ZNF232: variants seen among roughly 807,000 people sequenced by gnomAD.
ZNF232 encodes the protein zinc finger and SCAN domain-containing protein 11.
A neutral mutation model predicts 25.2 loss-of-function variants in ZNF232; 25 were observed. The ratio of observed to expected loss-of-function variants is 0.99; its 90% CI spans 0.72 to 1.39. The LOEUF is 1.39. Ranked by LOEUF, ZNF232 falls within the 40% of genes most tolerant of loss-of-function variation. The pLI is 0.00. For synonymous variants in ZNF232, 193 were observed against 182.9 expected (o/e 1.06, Z -0.45); for missense variants, 519 against 520.9 (o/e 1.00, Z 0.04).
exon 4 of ZNF232, chr17:5,106,412 A>G (rs1164725824): frequency 6.2e-7 from 1 of 1,614,216 alleles, no homozygotes; most frequent in East Asian, 2.2e-5. Context: ...TGTCAGTAGC[A>G]AGTTTTTCTG....
At chr17:5,110,717 G>T (rs2143615207) in intron 1 of ZNF232, among the ~76,000 whole-genome samples, 1 of 152,274 alleles carries the variant, frequency 6.6e-6, no homozygotes, top group East Asian at 1.9e-4. Flanking sequence ...CCTGCGTCAA[G>T]GAAATCTAAC....
At chr17:5,122,314 G>A (rs1235303940) in intron 1 of ZNF232, among the ~76,000 whole-genome samples, 2 of 152,092 alleles carry the variant, frequency 1.3e-5, no homozygotes, top group Admixed American at 1.3e-4. Flanking sequence ...TTCTGGTTCC[G>A]ATGACTGTGT....
chr17:5,112,873 C>G (rs1228096653), upstream of ZNF232, among the ~76,000 whole-genome samples: 1 of 151,740 alleles, frequency 6.6e-6, no homozygotes, highest in Non-Finnish European at 1.5e-5. Context: ...GCAGGAGAAT[C>G]GTTTGAACCC....
exon 2 of ZNF232, chr17:5,109,623 G>A: frequency 6.2e-7 from 1 of 1,614,250 alleles, no homozygotes; most frequent in African/African-American, 1.3e-5. Flanking sequence ...GGGACCAGGA[G>A]TCTCCTGGTA....
chr17:5,112,779 A>G (rs113280184), upstream of ZNF232, among the ~76,000 whole-genome samples: 791 of 151,072 alleles, frequency 5.2e-3, 10 homozygotes, highest in African/African-American at 0.016. Flanking sequence ...GGTGGCCAAC[A>G]TGGTGAAACC....
At chr17:5,112,820 C>G (rs2072450170), upstream of ZNF232, among the ~76,000 whole-genome samples, 1 of 150,366 alleles carries the variant, frequency 6.7e-6, no homozygotes, top group Non-Finnish European at 1.5e-5. Flanking sequence ...AAAAGGTTAG[C>G]TGGGCGTGGT....
exon 2 of ZNF232, chr17:5,109,433 C>T: frequency 6.2e-7 from 1 of 1,613,924 alleles, no homozygotes; most frequent in East Asian, 2.2e-5. Context: ...AATCCTCCAG[C>T]ACAGTCACAG....
exon 4 of ZNF232, chr17:5,105,814 C>A: frequency 6.4e-7 from 1 of 1,561,348 alleles, no homozygotes; most frequent in African/African-American, 1.4e-5. Context: ...GAGACGTTCT[C>A]CCCTTCAATT....
At chr17:5,122,772 C>G (rs1246552425) in intron 1 of ZNF232, among the ~76,000 whole-genome samples, 2 of 152,260 alleles carry the variant, frequency 1.3e-5, no homozygotes, top group Non-Finnish European at 2.9e-5. Context: ...TCCCACCTCT[C>G]AGGTCCGGTA....
exon 2 of ZNF232, chr17:5,109,652 T>C: frequency 6.2e-7 from 1 of 1,614,184 alleles, no homozygotes; most frequent in Non-Finnish European, 8.5e-7. Context: ...GCCTGAAGCG[T>C]TGGCGGAAGA....
intron 1 of ZNF232, 110 bp downstream of exon 1, chr17:5,111,690 A>G: frequency 1.9e-6 from 3 of 1,569,714 alleles, no homozygotes; most frequent in South Asian, 1.1e-5. Context: ...TCCACACACA[A>G]CCGCGGAGCT....
chr17:5,115,555 A>ACACACACACACACACACACACACACACAC (rs2072512102), upstream of ZNF232, among the ~76,000 whole-genome samples: 1 of 148,664 alleles, frequency 6.7e-6, no homozygotes, highest in African/African-American at 2.5e-5. Flanking sequence ...CGTCTCCAAA[A>ACACACACACACACACACACACACACACAC]ACACACACAC....
intron 3 of ZNF232, among the ~76,000 whole-genome samples, chr17:5,107,506 G>C (rs2072289923): frequency 6.8e-6 from 1 of 147,164 alleles, no homozygotes; most frequent in Admixed American, 6.8e-5. Context: ...AAGGAGAACA[G>C]AAACCAATTG....
At chr17:5,105,815 C>T in exon 4 of ZNF232, 1 of 1,561,300 alleles carries the variant, frequency 6.4e-7, no homozygotes, top group Non-Finnish European at 8.7e-7. Context: ...AGACGTTCTC[C>T]CCTTCAATTC....
chr17:5,114,286 G>A (rs1443043811), upstream of ZNF232: 1 of 152,260 alleles, frequency 6.6e-6, no homozygotes, highest in Admixed American at 6.5e-5. Context: ...CAAGGTCTGA[G>A]CTCCATCTGA....
chr17:5,112,237 C>G (rs1434974189), upstream of ZNF232: 3 of 242,884 alleles, frequency 1.2e-5, no homozygotes, highest in Non-Finnish European at 2.4e-5. Context: ...GGTAACACTT[C>G]TCCATGAGTT....
chr17:5,116,201 G>C (rs1453243463), upstream of ZNF232, among the ~76,000 whole-genome samples: 1 of 152,194 alleles, frequency 6.6e-6, no homozygotes, highest in Non-Finnish European at 1.5e-5. Flanking sequence ...GAGGGGCCGC[G>C]GGCAGCGCTC....
At chr17:5,117,586 T>C (rs922285831) in intron 1 of ZNF232, among the ~76,000 whole-genome samples, 1 of 151,584 alleles carries the variant, frequency 6.6e-6, no homozygotes. Context: ...TCAGAATATA[T>C]ATGTCACAAT....
chr17:5,108,410 T>TC lies in ZNF232; in HGVS notation c.625+515dup, dbSNP rs2072313850. Among the ~76,000 whole-genome samples, 4 of 152,010 alleles carry TC rather than the reference T, an allele frequency of 2.6e-5. No individual in the cohort carries two copies. The South Asian group carries it at 8.3e-4, about 32-fold the overall frequency. The stretch of plus-strand genomic sequence containing the variant: ...AGGTGAGGGCACACATAAGAGAGTT[T>TC]CAGATAGGGCTGTTTACATGAGGAA... On this transcript the variant is annotated intron_variant, in intron 3 of 3. Transcript: ENST00000575898.
Sources: allele counts gnomAD v4.1 joint callset (sites outside exome capture counted in the v4.1 genomes callset), GRCh38; gene constraint gnomAD v4.1.1; transcripts MANE v1.5; gene names NCBI Gene and HGNC (gene_info 2026-07-23, HGNC 2026-07-21).